The following ATG10 variants were observed in gnomAD, a reference collection of about 807,000 sequenced individuals.
ATG10 encodes ubiquitin-like-conjugating enzyme ATG10.
In ATG10, 30 loss-of-function variants were observed where a neutral mutation model predicts 32.1. The observed-to-expected ratio is 0.94, with a 90% confidence interval of 0.70 to 1.27. ATG10 has a LOEUF of 1.27. Among genes scored for constraint, ATG10 ranks in the 50% most tolerant of loss-of-function variants. The probability of loss-of-function intolerance (pLI) is 0.00; values close to 1 mark genes in which losing one functional copy is unlikely to be tolerated. For missense variants in ATG10, 233 were observed against 262.3 expected (o/e 0.89, Z 0.77); for synonymous variants, 87 against 91.5 (o/e 0.95, Z 0.28).
Position 82,028,251 on chromosome 5 carries a change from T to C in ATG10, c.109-30244T>C, listed in dbSNP as rs563034672. ...AGGTTTTATTTCAGATTGATGAATC[T>C]ATACACATTAGAAAATGCTGAATTG... On this transcript the variant is annotated intron_variant, in intron 2 of 7. Transcript: ENST00000282185. 2.0e-5 allele frequency among the ~76,000 whole-genome samples: 3 copies of C among 152,370 alleles called. No individual in the cohort carries two copies. The South Asian group carries it at 6.2e-4, about 32-fold the overall frequency.
intron 3 of ATG10, among the ~76,000 whole-genome samples, chr5:82,138,534 G>A (rs779955601): frequency 1.1e-4 from 16 of 151,952 alleles, no homozygotes; most frequent in African/African-American, 1.7e-4. Context: ...ACCCTGCCTT[G>A]CCCTGTGTGG....
chr5:82,088,884 A>G (rs1052070484), intron 3 of ATG10, among the ~76,000 whole-genome samples: 1 of 152,176 alleles, frequency 6.6e-6, no homozygotes, highest in African/African-American at 2.4e-5. Context: ...GATTTAATGT[A>G]ATTCCTATCA....
intron 3 of ATG10, among the ~76,000 whole-genome samples, chr5:82,108,366 A>G (rs1165658584): frequency 1.3e-5 from 2 of 152,006 alleles, no homozygotes; most frequent in East Asian, 3.9e-4. Context: ...AGAGAACCCT[A>G]GACACCTATA....
At chr5:81,986,966 C>T (rs535970988) in intron 1 of ATG10, among the ~76,000 whole-genome samples, 133 of 152,158 alleles carry the variant, frequency 8.7e-4, no homozygotes, top group African/African-American at 2.8e-3. Flanking sequence ...TCACTTGAAC[C>T]TGGAAGATGA....
At chr5:82,171,745 A>AT (rs1232603638) in intron 4 of ATG10, among the ~76,000 whole-genome samples, 1 of 152,226 alleles carries the variant, frequency 6.6e-6, no homozygotes, top group African/African-American at 2.4e-5. Flanking sequence ...CATTTAATCA[A>AT]TTAATTTTAT....
At chr5:82,037,536 C>T (rs549346785) in intron 2 of ATG10, among the ~76,000 whole-genome samples, 14 of 151,734 alleles carry the variant, frequency 9.2e-5, no homozygotes, top group African/African-American at 2.7e-4. Flanking sequence ...CGTGAGCCAC[C>T]GCGCCCGGCC....
intron 3 of ATG10, among the ~76,000 whole-genome samples, chr5:82,068,777 A>G (rs1321933884): frequency 6.8e-6 from 1 of 147,562 alleles, no homozygotes. Context: ...TATCTGAAAA[A>G]AAAGACAATA....
chr5:82,129,099 C>T (rs1183393203), intron 3 of ATG10, among the ~76,000 whole-genome samples: 1 of 151,580 alleles, frequency 6.6e-6, no homozygotes, highest in East Asian at 2.0e-4. Context: ...TTAAGTTGAT[C>T]TTCAATCTCT....
chr5:82,027,019 A>G (rs1762611769), intron 2 of ATG10, among the ~76,000 whole-genome samples: 1 of 151,954 alleles, frequency 6.6e-6, no homozygotes, highest in African/African-American at 2.4e-5. Context: ...AGATCACACC[A>G]CTGCACTCTA....
At chr5:82,067,240 G>A (rs906987271) in intron 3 of ATG10, among the ~76,000 whole-genome samples, 1 of 152,064 alleles carries the variant, frequency 6.6e-6, no homozygotes, top group Non-Finnish European at 1.5e-5. Flanking sequence ...TCTGTGAGAG[G>A]GGAGAGTATG....
At chr5:82,236,117 T>G (rs1746542005) in intron 5 of ATG10, among the ~76,000 whole-genome samples, 1 of 152,190 alleles carries the variant, frequency 6.6e-6, no homozygotes, top group South Asian at 2.1e-4. Context: ...GACTAAATGT[T>G]CATTTCTTCT....
intron 3 of ATG10, among the ~76,000 whole-genome samples, chr5:82,163,068 A>T (rs1743430238): frequency 6.6e-6 from 1 of 152,220 alleles, no homozygotes; most frequent in Admixed American, 6.5e-5. Context: ...AAAGGAAATT[A>T]TAAATGCTAA....
chr5:82,121,140 G>C (rs1766025440), intron 3 of ATG10, among the ~76,000 whole-genome samples: 1 of 152,032 alleles, frequency 6.6e-6, no homozygotes, highest in African/African-American at 2.4e-5. Context: ...TAATTCTTCA[G>C]TTTTGTGTAA....
chr5:82,113,252 A>T (rs1765672445), intron 3 of ATG10, among the ~76,000 whole-genome samples: 1 of 151,948 alleles, frequency 6.6e-6, no homozygotes. Context: ...CTTGCCAAAG[A>T]GCATGTGAGT....
intron 5 of ATG10, among the ~76,000 whole-genome samples, chr5:82,236,900 A>G (rs1746575819): frequency 6.6e-6 from 1 of 151,988 alleles, no homozygotes; most frequent in Non-Finnish European, 1.5e-5. Flanking sequence ...TCTTTCCCAC[A>G]TATTTTTTTT....
intron 3 of ATG10, among the ~76,000 whole-genome samples, chr5:82,065,990 A>T (rs901464668): frequency 6.6e-6 from 1 of 152,148 alleles, no homozygotes. Context: ...TTTTTTAAAA[A>T]AATCGTGTCC....
chr5:82,083,134 A>G (rs1208586924), intron 3 of ATG10, among the ~76,000 whole-genome samples: 1 of 152,180 alleles, frequency 6.6e-6, no homozygotes, highest in Non-Finnish European at 1.5e-5. Flanking sequence ...TCCAACCCTA[A>G]TACTGTGCTT....
chr5:82,233,187 A>C (rs919119469), intron 5 of ATG10, among the ~76,000 whole-genome samples: 1 of 152,186 alleles, frequency 6.6e-6, no homozygotes, highest in African/African-American at 2.4e-5. Flanking sequence ...CTAGTTTTTC[A>C]GTCACTTGTG....
chr5:82,078,357 A>G (rs1362556575), intron 3 of ATG10: 1 of 152,222 alleles, frequency 6.6e-6, no homozygotes, highest in African/African-American at 2.4e-5. Flanking sequence ...AATCATTCCT[A>G]TGACTGCTGT....
Sources: gnomAD v4.1 joint callset for allele counts (sites outside exome capture counted in the v4.1 genomes callset) on GRCh38, gnomAD v4.1.1 for gene constraint, MANE v1.5 for transcripts, NCBI Gene and HGNC (gene_info 2026-07-23, HGNC 2026-07-21) for gene names.